Variants in LRSAM1 observed in about 807,000 individuals in gnomAD.
The protein encoded by LRSAM1 is leucine rich repeat and sterile alpha motif containing 1.
In LRSAM1, 96 loss-of-function variants were observed where a neutral mutation model predicts 118.1. The observed-to-expected ratio is 0.81, with a 90% CI of 0.69 to 0.96. The LOEUF (loss-of-function observed/expected upper bound fraction) is 0.96, where lower values mean the gene tolerates loss of function less well. Ranked by LOEUF, LRSAM1 falls within the 40% of genes least tolerant of loss-of-function variation. The pLI is 0.00. For synonymous variants in LRSAM1, 322 were observed against 364.2 expected (o/e 0.88, Z 1.32); for missense variants, 804 against 915.5 (o/e 0.88, Z 1.57).
chr9:127,485,872 G>A (rs1835711195), intron 17 of LRSAM1, 37 bp downstream of exon 17: 2 of 1,598,708 alleles, frequency 1.3e-6, no homozygotes, highest in African/African-American at 1.3e-5. Flanking sequence ...TGAGGGAGCT[G>A]GGGGAGCTGG....
chr9:127,485,807 C>G lies in LRSAM1; in HGVS notation c.1231C>G (p.Gln411Glu). The change falls in exon 17 of 26, where the codon CAG (glutamine) becomes GAG (glutamate). Residue 411 changes from glutamine (Q) to glutamate (E), a missense_variant. Gln to Glu is a conservative substitution (Grantham distance 29). Coordinates refer to ENST00000300417, the MANE Select transcript of LRSAM1 (RefSeq NM_001005373.4). ...CCAGATGGCCTACGAATCTCAGAGG[C>G]AGAACTTGGTCCAGCAGGCCTGTTC... ...LIQMAYESQR[Q>E]NLVQQACSSM... 1 of 1,614,138 alleles carries G rather than the reference C, an allele frequency of 6.2e-7. No individual in the cohort carries two copies. Among genetic ancestry groups the G allele is most frequent in the Non-Finnish European group, 8.5e-7 (1 of 1,180,028 alleles).
At chr9:127,501,649 T>C (rs1205659479) in intron 25 of LRSAM1, among the ~76,000 whole-genome samples, 1 of 152,130 alleles carries the variant, frequency 6.6e-6, no homozygotes, top group Non-Finnish European at 1.5e-5. Flanking sequence ...GGAGAATCGC[T>C]TGAACCCGGG....
At chr9:127,481,365 G>T in intron 15 of LRSAM1, 138 bp downstream of exon 15, 1 of 839,368 alleles carries the variant, frequency 1.2e-6, no homozygotes, top group Admixed American at 2.3e-5. Context: ...CAATTCCCCT[G>T]CCTCAGCCTC....
At chr9:127,487,640 T>G (rs1267128062) in intron 17 of LRSAM1, 36 bp from the exon 18 acceptor site, 1 of 1,600,866 alleles carries the variant, frequency 6.2e-7, no homozygotes, top group African/African-American at 1.3e-5. Flanking sequence ...TCGGGAAACG[T>G]TCCAAGAATG....
chr9:127,458,988 G>C lies in LRSAM1; in HGVS notation c.253-15G>C, dbSNP rs1319189368. The C allele has an allele frequency of 6.2e-7, 1 of 1,613,300 alleles. No individual in the cohort carries two copies. The highest frequency in any genetic ancestry group is 8.5e-7 in the Non-Finnish European group (1 of 1,179,968). On this transcript the variant is annotated splice_polypyrimidine_tract_variant and intron_variant, in intron 6 of 25. Transcript: ENST00000300417. ...CTTTCTCACTTGGAGACTCACAGGGGTCTTTCTTCTGCAGGTTCTAGATCT... is the reference window on the plus strand; with the variant it reads ...CTTTCTCACTTGGAGACTCACAGGGCTCTTTCTTCTGCAGGTTCTAGATCT...
chr9:127,478,407 C>T (rs1564268452), intron 11 of LRSAM1, among the ~76,000 whole-genome samples: 2 of 152,212 alleles, frequency 1.3e-5, no homozygotes, highest in Non-Finnish European at 2.9e-5. Flanking sequence ...CTCACACATT[C>T]GCCCCATTGG....
intron 23 of LRSAM1, 148 bp downstream of exon 23, chr9:127,496,243 C>A: frequency 8.4e-7 from 1 of 1,185,874 alleles, no homozygotes; most frequent in Non-Finnish European, 1.2e-6. Context: ...ATGGCCAGAA[C>A]ACCTGCCCAT....
In LRSAM1 at chr9:127,503,283, T is replaced by G; in HGVS notation, c.*384T>G. 1 of 299,414 alleles carries G rather than the reference T, an allele frequency of 3.3e-6. No homozygotes were observed. The highest frequency in any genetic ancestry group is 8.9e-5 in the East Asian group (1 of 11,286). 18.5% of individuals were successfully genotyped at this position (299,414 alleles called of 1,614,324 possible). On this transcript the variant is annotated 3_prime_UTR_variant, in exon 26 of 26. Transcript: ENST00000300417. ...ATGCACAGGCCCGTCCCACCCTGCA[T>G]GTGGGAAGGGAGCAGGAGGGCCTGG...
chr9:127,499,521 A>C (rs1242559287), intron 24 of LRSAM1, among the ~76,000 whole-genome samples: 1 of 105,022 alleles, frequency 9.5e-6, no homozygotes, highest in African/African-American at 3.5e-5. Flanking sequence ...ACAGAGCAAG[A>C]CCCTGTCTAA....
rs1834549691 is a variant in LRSAM1 at position 127,457,180 on chromosome 9, C to A, written c.175-136C>A. The A allele has an allele frequency of 1.3e-5, 11 of 850,576 alleles. No homozygotes were observed. In the South Asian group the frequency reaches 1.4e-4, roughly 11 times the overall value. 52.7% of individuals were successfully genotyped at this position (850,576 alleles called of 1,614,324 possible). A position where few individuals can be genotyped will look rare whatever the true frequency, so the allele number is the denominator to read the frequency against. On this transcript the variant is annotated intron_variant, in intron 5 of 25. Transcript: ENST00000300417. ...CCATTGGGAGAGTTCATGATACTGA[C>A]CCGCATCCCCGTGGTGGTGTCTGGG...
chr9:127,467,625 C>G, intron 9 of LRSAM1, 115 bp from the exon 10 acceptor site: 1 of 1,004,616 alleles, frequency 1.0e-6, no homozygotes, highest in Non-Finnish European at 1.5e-6. Context: ...CCTCTGCTGT[C>G]AGGCCATTCC....
At chr9:127,475,881 C>T (rs2250020) in intron 11 of LRSAM1, among the ~76,000 whole-genome samples, 65,805 of 151,720 alleles carry the variant, frequency 0.43, 15,059 homozygotes, top group Non-Finnish European at 0.5. Flanking sequence ...GCTGGGATTA[C>T]AGGGATGCGC....
intron 17 of LRSAM1, among the ~76,000 whole-genome samples, chr9:127,487,213 T>TGCC (rs1268510275): frequency 6.8e-6 from 1 of 148,008 alleles, no homozygotes; most frequent in African/African-American, 2.5e-5. Context: ...ACCAAGATGG[T>TGCC]GCCAAAGCAC....
intron 11 of LRSAM1, among the ~76,000 whole-genome samples, chr9:127,474,310 C>A (rs2250184): frequency 2.6e-4 from 39 of 150,038 alleles, no homozygotes; most frequent in African/African-American, 9.6e-4. Flanking sequence ...CTCCATCACC[C>A]AGGCTGGAGT....
chr9:127,481,348 G>C, intron 15 of LRSAM1, 121 bp downstream of exon 15: 1 of 1,027,550 alleles, frequency 9.7e-7, no homozygotes, highest in Non-Finnish European at 1.5e-6. Context: ...CGCCGCCCAG[G>C]TCCAAGCAAT....
rs780121774 is a variant in LRSAM1 at position 127,491,274 on chromosome 9, C to G, written c.1482C>G (p.Ser494=). ...QLTQLELKRK[S]LDTESLQEMI... ...CACAGCTGGAGTTAAAGAGGAAGTCCCTGGACACAGAGTCACTCCAGGTAT... is the reference window on the plus strand; with the variant it reads ...CACAGCTGGAGTTAAAGAGGAAGTCGCTGGACACAGAGTCACTCCAGGTAT... The change falls in exon 20 of 26, where the codon TCC becomes TCG. Residue 494 remains serine, a synonymous_variant. Transcript: ENST00000300417. 6.2e-7 allele frequency: 1 copy of G among 1,613,788 alleles called. No homozygotes were observed. Among genetic ancestry groups the G allele is most frequent in the East Asian group, 2.2e-5 (1 of 44,880 alleles).
chr9:127,488,260 G>A (rs987667230), intron 18 of LRSAM1, among the ~76,000 whole-genome samples: 8 of 152,158 alleles, frequency 5.3e-5, no homozygotes, highest in Middle Eastern at 3.4e-3. Flanking sequence ...TCTGTTTAGC[G>A]TTTTTGTTTT....
In LRSAM1 at chr9:127,479,441, A is replaced by G. The variant is rs1453384253; in HGVS notation, c.839A>G (p.Glu280Gly). The change falls in exon 13 of 26, where the codon GAG (glutamate) becomes GGG (glycine). Residue 280 changes from glutamate to glycine, a missense_variant. Coordinates refer to ENST00000300417, the MANE Select transcript of LRSAM1 (RefSeq NM_001005373.4). ...CGGCGCCTGGAACTGGGGCAGCGGG[A>G]GCACACCCAGCTCCTTCAGCAGAGC... is the stretch of plus-strand genomic sequence containing the variant. ...FERRLELGQR[E>G]HTQLLQQSSS... 1.2e-6 allele frequency: 2 copies of G among 1,614,114 alleles called. No individual in the cohort carries two copies. The highest frequency in any genetic ancestry group is 1.7e-6 in the Non-Finnish European group (2 of 1,180,014).
Position 127,492,840 on chromosome 9 carries a change from G to A in LRSAM1, c.1542G>A (p.Leu514=), listed in dbSNP as rs777867965. The A allele has an allele frequency of 1.1e-5, 17 of 1,613,888 alleles. No homozygotes were observed. In the East Asian group the frequency reaches 2.9e-4, roughly 27 times the overall value. ...ISEQRWALSS[L]LQQLLKEKQQ... Reference sequence around the variant, plus strand: ...AGCAGCGCTGGGCCCTCAGCTCCCTGCTCCAGCAGCTGCTCAAAGAGAAGC... The same window carrying A: ...AGCAGCGCTGGGCCCTCAGCTCCCTACTCCAGCAGCTGCTCAAAGAGAAGC... Residue 514 remains leucine, a synonymous_variant, in exon 21 of 26, where the codon CTG becomes CTA. Transcript: ENST00000300417.
Sources: allele counts gnomAD v4.1 joint callset (sites outside exome capture counted in the v4.1 genomes callset), GRCh38; gene constraint gnomAD v4.1.1; transcripts MANE v1.5; gene names NCBI Gene and HGNC (gene_info 2026-07-23, HGNC 2026-07-21).